The following HAS2 variants were observed in gnomAD, a reference collection of about 807,000 sequenced individuals.
HAS2 encodes the protein HA synthase 2.
In HAS2, 16 loss-of-function variants were observed where a neutral mutation model predicts 51.6. That is an observed-to-expected ratio of 0.31 (90% CI 0.21 to 0.47). The LOEUF (loss-of-function observed/expected upper bound fraction) is 0.47, where lower values mean the gene tolerates loss of function less well. Ranked by LOEUF, HAS2 falls within the 20% of genes least tolerant of loss-of-function variation. The pLI is 1.00. For missense variants in HAS2, 361 were observed against 662.6 expected (o/e 0.54, Z 5.00); for synonymous variants, 228 against 235.5 (o/e 0.97, Z 0.29).
intron 1 of HAS2, among the ~76,000 whole-genome samples, chr8:121,633,948 T>C (rs774836629): frequency 6.6e-6 from 1 of 151,552 alleles, no homozygotes; most frequent in East Asian, 1.9e-4. Context: ...TTCCCTCTTG[T>C]TGCCCAGGTT....
At chr8:121,615,143 C>T (rs1812682928) in intron 3 of HAS2, 105 bp from the exon 4 acceptor site, 1 of 746,562 alleles carries the variant, frequency 1.3e-6, no homozygotes, top group African/African-American at 1.8e-5. Context: ...GTTATTTTAT[C>T]CTCCCATTTT....
In HAS2 at chr8:121,614,087, G is replaced by A. The variant is rs1300639300; in HGVS notation, c.*22C>T. 1 of 1,613,742 alleles carries A rather than the reference G, an allele frequency of 6.2e-7. No individual in the cohort carries two copies. Among genetic ancestry groups the A allele is most frequent in the Non-Finnish European group, 8.5e-7 (1 of 1,179,850 alleles). On this transcript the variant is annotated 3_prime_UTR_variant, in exon 4 of 4. Transcript: ENST00000303924. The surrounding 1 kb of genome is among the most constrained non-coding windows in gnomAD (Gnocchi z 7.2). The stretch of plus-strand genomic sequence containing the variant: ...AGGAACTAAGGTGTTGTGTGTGACT[G>A]CAAACGTCAAAACATGGAAGATCAT...
Position 121,628,779 on chromosome 8 carries a change from C to T in HAS2, c.562G>A (p.Gly188Ser). The T allele has an allele frequency of 1.9e-6, 3 of 1,614,094 alleles. No homozygotes were observed. Among genetic ancestry groups the T allele is most frequent in the Non-Finnish European group, 2.5e-6 (3 of 1,179,956 alleles). ...GTGTACATGACTTCTCTTTTTCCAC[C>T]CCATTTTTGCATGATGCAGATACTT... is the stretch of plus-strand genomic sequence containing the variant. ...NKSICIMQKW[G>S]GKREVMYTAF... Residue 188 changes from glycine to serine, a missense_variant, in exon 2 of 4, where the codon GGT becomes AGT. Physicochemically the swap from Gly to Ser is moderately conservative, Grantham distance 56. Transcript: ENST00000303924.
At chr8:121,637,919 T>A (rs1362556002) in intron 1 of HAS2, among the ~76,000 whole-genome samples, 1 of 152,184 alleles carries the variant, frequency 6.6e-6, no homozygotes, top group African/African-American at 2.4e-5. Flanking sequence ...TGCTCTGTCC[T>A]CTCATTACTT....
chr8:121,627,272 T>C (rs982212476), intron 2 of HAS2, among the ~76,000 whole-genome samples: 33 of 152,184 alleles, frequency 2.2e-4, no homozygotes, highest in Admixed American at 1.0e-3. Context: ...TAGCCTATTA[T>C]CCTCTCATCT....
At chr8:121,627,712 C>T (rs188488670) in intron 2 of HAS2, among the ~76,000 whole-genome samples, 7 of 152,220 alleles carry the variant, frequency 4.6e-5, no homozygotes, top group Admixed American at 3.3e-4. Context: ...AAGCCAATGT[C>T]CATTCCTATC....
chr8:121,622,686 C>CAAA (rs201376901), intron 2 of HAS2, among the ~76,000 whole-genome samples: 34 of 132,286 alleles, frequency 2.6e-4, no homozygotes, highest in African/African-American at 8.7e-4. Flanking sequence ...CTCATACAAC[C>CAAA]AAAAAAAAAA....
At chr8:121,637,952 A>T (rs150447284) in intron 1 of HAS2, among the ~76,000 whole-genome samples, 274 of 152,292 alleles carry the variant, frequency 1.8e-3, no homozygotes, top group African/African-American at 6.2e-3. Context: ...CACACTTCAT[A>T]CAAGAGCCAG....
chr8:121,637,265 T>A (rs1813022719), intron 1 of HAS2, among the ~76,000 whole-genome samples: 1 of 152,180 alleles, frequency 6.6e-6, no homozygotes, highest in African/African-American at 2.4e-5. Flanking sequence ...TTACTTAATT[T>A]AAATAAGAAA....
In HAS2 at chr8:121,641,158, C is replaced by CTTTTTTTTTTTTTTTT. The variant is rs71573616; in HGVS notation, c.-322_-307dup. ...TAACTTTTCTTTTTTCTTTTCTTTTCTTTTTTTTTTTTTTTTTTTTTTGGG... is the reference window on the plus strand; with the variant it reads ...TAACTTTTCTTTTTTCTTTTCTTTTCTTTTTTTTTTTTTTTTTTTTTTTTTTTTTTTTTTTTTTGGG... On this transcript the variant is annotated 5_prime_UTR_variant, in exon 1 of 4. Coordinates refer to ENST00000303924, the MANE Select transcript of HAS2 (RefSeq NM_005328.3). 9.7e-4 allele frequency: 55 copies of CTTTTTTTTTTTTTTTT among 56,992 alleles called. No individual in the cohort carries two copies. Among genetic ancestry groups the CTTTTTTTTTTTTTTTT allele is most frequent in the Non-Finnish European group, 1.2e-3 (37 of 30,844 alleles). The allele number at this position is 56,992 out of a possible 1,614,324, so 3.5% of individuals were successfully genotyped here.
At chr8:121,640,614 C>T (rs1320000853) in intron 1 of HAS2, among the ~76,000 whole-genome samples, 1 of 151,996 alleles carries the variant, frequency 6.6e-6, no homozygotes, top group East Asian at 1.9e-4. Context: ...TACCTGTGTC[C>T]CCAGAAAGGC....
chr8:121,638,673 A>G (rs1177373033), intron 1 of HAS2, among the ~76,000 whole-genome samples: 2 of 152,240 alleles, frequency 1.3e-5, no homozygotes, highest in African/African-American at 2.4e-5. Flanking sequence ...TTAAATTGTC[A>G]TTGAAAATGT....
intron 3 of HAS2, among the ~76,000 whole-genome samples, chr8:121,616,638 A>C (rs954407904): frequency 1.1e-4 from 16 of 151,664 alleles, no homozygotes; most frequent in Admixed American, 3.3e-4. Context: ...GTTTCACCAT[A>C]TTGATCAGGC....
At chr8:121,622,162 A>C (rs11780389) in intron 2 of HAS2, among the ~76,000 whole-genome samples, 3 of 151,550 alleles carry the variant, frequency 2.0e-5, no homozygotes, top group East Asian at 1.9e-4. Context: ...ATTCTGCATC[A>C]CCCCCCCATC....
intron 2 of HAS2, among the ~76,000 whole-genome samples, chr8:121,622,914 A>C (rs1272964026): frequency 1.3e-5 from 2 of 152,120 alleles, no homozygotes; most frequent in African/African-American, 4.8e-5. Flanking sequence ...TTAGAGCTAC[A>C]AAAGCTTTTT....
chr8:121,640,967 A>C lies in HAS2; in HGVS notation c.-115T>G, dbSNP rs1813087816. ...TAAGAGATCAGATGAATTTGAGACG[A>C]CCGGCCAAAAAAAATAAGAAATTTA... On this transcript the variant is annotated 5_prime_UTR_variant, in exon 1 of 4. Coordinates refer to ENST00000303924, the MANE Select transcript of HAS2 (RefSeq NM_005328.3). 6.6e-6 allele frequency: 1 copy of C among 151,742 alleles called. No homozygotes were observed. Among genetic ancestry groups the C allele is most frequent in the South Asian group, 2.1e-4 (1 of 4,790 alleles). 9.4% of individuals were successfully genotyped at this position (151,742 alleles called of 1,614,324 possible). A position where few individuals can be genotyped will look rare whatever the true frequency, so the allele number is the denominator to read the frequency against.
chr8:121,633,783 C>A (rs1384104636), intron 1 of HAS2, among the ~76,000 whole-genome samples: 11 of 152,158 alleles, frequency 7.2e-5, no homozygotes, highest in Admixed American at 7.2e-4. Flanking sequence ...ATTTCCTCTG[C>A]CTTGACCTTT....
chr8:121,638,424 G>A (rs920027831), intron 1 of HAS2, among the ~76,000 whole-genome samples: 4 of 152,254 alleles, frequency 2.6e-5, no homozygotes, highest in East Asian at 3.9e-4. Context: ...TTGATAAAGG[G>A]ATTCGACTCC....
At chr8:121,615,434 T>C (rs1336660313) in intron 3 of HAS2, among the ~76,000 whole-genome samples, 1 of 152,162 alleles carries the variant, frequency 6.6e-6, no homozygotes, top group African/African-American at 2.4e-5. Context: ...CCTTCCTGGT[T>C]CAAATGATTC....
Sources: allele counts gnomAD v4.1 joint callset (sites outside exome capture counted in the v4.1 genomes callset), GRCh38; gene constraint gnomAD v4.1.1; non-coding constraint Gnocchi (gnomAD v3.1); transcripts MANE v1.5; gene names NCBI Gene and HGNC (gene_info 2026-07-23, HGNC 2026-07-21).